AKAP13: variants seen among roughly 807,000 people sequenced by gnomAD.
AKAP13 encodes A-kinase anchor protein 13.
In AKAP13, 80 loss-of-function variants were observed where a neutral mutation model predicts 264.5. That is an observed-to-expected ratio of 0.30 (90% CI 0.25 to 0.36). The LOEUF (loss-of-function observed/expected upper bound fraction) is 0.36. Ranked by LOEUF, AKAP13 falls within the 10% of genes least tolerant of loss-of-function variation. The pLI, the probability that AKAP13 is intolerant of heterozygous loss-of-function variation, is 1.00. For missense variants in AKAP13, 3,712 were observed against 3,435.2 expected (o/e 1.08, Z -2.01); for synonymous variants, 1,380 against 1,250.2 (o/e 1.10, Z -2.19).
intron 14 of AKAP13, among the ~76,000 whole-genome samples, chr15:85,676,229 G>C (rs954490409): frequency 6.6e-6 from 1 of 152,180 alleles, no homozygotes; most frequent in African/African-American, 2.4e-5. Flanking sequence ...GCTTTTGCAG[G>C]ATTCAAGTTA....
At position 85,647,511 on chromosome 15, in the gene AKAP13, T is replaced by C. The variant is rs144343247; in HGVS notation, c.4374+1557T>C. Among the ~76,000 whole-genome samples, 959 of 131,876 alleles carry C rather than the reference T, an allele frequency of 7.3e-3. 10 individuals are homozygous for C. The highest frequency in any genetic ancestry group is 0.026 in the African/African-American group (901 of 34,912). The allele number at this position is 131,876 out of a possible 152,430, so 86.5% of individuals were successfully genotyped here. A position where few individuals can be genotyped will look rare whatever the true frequency, so the allele number is the denominator to read the frequency against. On this transcript the variant is annotated intron_variant, in intron 10 of 36. Transcript: ENST00000394518. Reference sequence around the variant, plus strand: ...TACCCTGTGTGCCTTCCTTTCATTTTTGGCCTTCCCTGACTTTTTTTTTTT... The same window carrying C: ...TACCCTGTGTGCCTTCCTTTCATTTCTGGCCTTCCCTGACTTTTTTTTTTT...
At chr15:85,523,505 C>T (rs1265776257) in intron 3 of AKAP13, among the ~76,000 whole-genome samples, 3 of 152,208 alleles carry the variant, frequency 2.0e-5, no homozygotes, top group Non-Finnish European at 2.9e-5. Flanking sequence ...GCTGCCTCCT[C>T]TCCACATTCC....
intron 8 of AKAP13, among the ~76,000 whole-genome samples, chr15:85,599,204 G>C (rs1172042144): frequency 6.6e-6 from 1 of 152,270 alleles, no homozygotes; most frequent in South Asian, 2.1e-4. Flanking sequence ...TTTAAATCCT[G>C]GCTTTCCTGA....
chr15:85,394,169 TA>T (rs2071002643), intron 1 of AKAP13, among the ~76,000 whole-genome samples: 1 of 152,300 alleles, frequency 6.6e-6, no homozygotes, highest in African/African-American at 2.4e-5. Flanking sequence ...ACTGAAGTGT[TA>T]GGGGGAGAAG....
At chr15:85,598,803 C>T (rs2079931225) in intron 8 of AKAP13, among the ~76,000 whole-genome samples, 3 of 152,172 alleles carry the variant, frequency 2.0e-5, no homozygotes. Context: ...TTCTACTGTT[C>T]CCTTCTAGTA....
intron 35 of AKAP13, among the ~76,000 whole-genome samples, chr15:85,742,859 T>C (rs1334455280): frequency 6.6e-6 from 1 of 152,130 alleles, no homozygotes; most frequent in Non-Finnish European, 1.5e-5. Context: ...TGTAGCTTTC[T>C]GCAGATGTTG....
chr15:85,562,354 C>G (rs1198716207), intron 5 of AKAP13, among the ~76,000 whole-genome samples: 2 of 151,518 alleles, frequency 1.3e-5, no homozygotes, highest in Non-Finnish European at 2.9e-5. Context: ...CACCTGAGGT[C>G]AGGAGTTTGA....
rs1415432140 is a variant in AKAP13 at position 85,446,244 on chromosome 15, C to T, written c.-11-39466C>T. Among the ~76,000 whole-genome samples, 9 of 152,124 alleles carry T rather than the reference C, an allele frequency of 5.9e-5. No homozygotes were observed. The East Asian group carries it at 1.7e-3, about 29-fold the overall frequency. On this transcript the variant is annotated intron_variant, in intron 1 of 36. Coordinates refer to ENST00000394518, the MANE Select transcript of AKAP13 (RefSeq NM_007200.5). ...TGTGATAACGTGGAAGATAGTTATGCTTAGAGGCAAAGACAACAGCAGGGA... is the reference window on the plus strand; with the variant it reads ...TGTGATAACGTGGAAGATAGTTATGTTTAGAGGCAAAGACAACAGCAGGGA...
At chr15:85,494,983 G>A (rs926190144) in intron 2 of AKAP13, among the ~76,000 whole-genome samples, 2 of 152,058 alleles carry the variant, frequency 1.3e-5, no homozygotes. Context: ...TGGATTATAG[G>A]TACATTGGAA....
At chr15:85,463,362 C>T (rs1468252639) in intron 1 of AKAP13, among the ~76,000 whole-genome samples, 1 of 152,170 alleles carries the variant, frequency 6.6e-6, no homozygotes, top group Non-Finnish European at 1.5e-5. Flanking sequence ...GCTTCTTTCA[C>T]ATTGAGCCTA....
chr15:85,508,398 C>T (rs2076305590), intron 2 of AKAP13, among the ~76,000 whole-genome samples: 2 of 152,178 alleles, frequency 1.3e-5, no homozygotes, highest in Non-Finnish European at 2.9e-5. Flanking sequence ...CTGCCTCGGC[C>T]TCCCAAAGTG....
intron 1 of AKAP13, among the ~76,000 whole-genome samples, chr15:85,476,855 A>C (rs1056031124): frequency 6.6e-6 from 1 of 152,138 alleles, no homozygotes; most frequent in African/African-American, 2.4e-5. Flanking sequence ...TTGTAAAATA[A>C]GTACGTTTAA....
chr15:85,618,258 CTTTTTCTATATCCG>C (rs1326997366), intron 8 of AKAP13, among the ~76,000 whole-genome samples: 1 of 152,170 alleles, frequency 6.6e-6, no homozygotes, highest in Non-Finnish European at 1.5e-5. Flanking sequence ...CATCTATACC[CTTTTTCTATATCCG>C]TTTTTTAGCT....
At position 85,724,134 on chromosome 15, in the gene AKAP13, TAGAA is replaced by T. The variant is rs2087464204; in HGVS notation, c.6745+819_6745+822del. Among the ~76,000 whole-genome samples the T allele has an allele frequency of 6.6e-6, 1 of 152,154 alleles. No homozygotes were observed. Among genetic ancestry groups the T allele is most frequent in the Admixed American group, 6.5e-5 (1 of 15,274 alleles). On this transcript the variant is annotated intron_variant, in intron 26 of 36. Transcript: ENST00000394518. This position sits in a 1 kb window ranked among gnomAD's most constrained non-coding sequence, Gnocchi z 4.2. ...GCCAGTACTGTCAGCCTCACTGGCA[TAGAA>T]AGAAGGTGGAGGAAATGGGTGCTGC... is the stretch of plus-strand genomic sequence containing the variant.
chr15:85,427,081 G>A (rs1268269846), intron 1 of AKAP13, among the ~76,000 whole-genome samples: 5 of 148,468 alleles, frequency 3.4e-5, no homozygotes, highest in South Asian at 2.2e-4. Context: ...TCAGCCTCCC[G>A]AATAGCTGGG....
rs1452051421 is a variant in AKAP13 at position 85,748,774 on chromosome 15, A to C, written c.*4097A>C. On this transcript the variant is annotated 3_prime_UTR_variant, in exon 37 of 37. Transcript: ENST00000394518. The stretch of plus-strand genomic sequence containing the variant: ...AAGGGTTAAAGGCGTGCAACCCCCC[A>C]CTGGCTGTGTCCCCTGCCACCGAAG... The C allele has an allele frequency of 6.6e-6, 1 of 152,252 alleles. No homozygotes were observed. The highest frequency in any genetic ancestry group is 2.4e-5 in the African/African-American group (1 of 41,452). The allele number at this position is 152,252 out of a possible 1,614,324, so 9.4% of individuals were successfully genotyped here.
At chr15:85,601,608 T>TTTTGTGTG (rs369305957) in intron 8 of AKAP13, among the ~76,000 whole-genome samples, 9 of 131,990 alleles carry the variant, frequency 6.8e-5, no homozygotes, top group African/African-American at 2.6e-4. Flanking sequence ...CCTGAATTCT[T>TTTTGTGTG]TGTGTGTGTG....
At chr15:85,413,241 T>C (rs1424998926) in intron 1 of AKAP13, among the ~76,000 whole-genome samples, 1 of 152,226 alleles carries the variant, frequency 6.6e-6, no homozygotes, top group South Asian at 2.1e-4. Flanking sequence ...TGTACTGTTT[T>C]GTGGAGCTGG....
At chr15:85,549,429 G>A (rs1359669793) in intron 5 of AKAP13, among the ~76,000 whole-genome samples, 1 of 152,194 alleles carries the variant, frequency 6.6e-6, no homozygotes, top group Non-Finnish European at 1.5e-5. Flanking sequence ...CCTCATAAAT[G>A]TCATCTTATT....
Sources: gnomAD v4.1 joint callset for allele counts (sites outside exome capture counted in the v4.1 genomes callset) on GRCh38, gnomAD v4.1.1 for gene constraint, Gnocchi (gnomAD v3.1) non-coding constraint, MANE v1.5 for transcripts, NCBI Gene and HGNC (gene_info 2026-07-23, HGNC 2026-07-21) for gene names.